Variants in KLK7 observed in about 807,000 individuals in gnomAD.
KLK7 encodes the protein kallikrein related peptidase 7.
Under a neutral mutation model 21.0 loss-of-function variants are expected in KLK7, and 17 were observed. The ratio of observed to expected loss-of-function variants is 0.81; its 90% confidence interval spans 0.55 to 1.21. The LOEUF (loss-of-function observed/expected upper bound fraction) is 1.21, where lower values mean the gene tolerates loss of function less well. KLK7 is among the 50% of genes most tolerant of loss of function. The pLI, the probability that KLK7 is intolerant of heterozygous loss-of-function variation, is 0.00. For missense variants in KLK7, 330 were observed against 322.8 expected (o/e 1.02, Z -0.17); for synonymous variants, 151 against 134.6 (o/e 1.12, Z -0.85).
intron 3 of KLK7, 56 bp downstream of exon 3, chr19:50,981,711 C>A: frequency 6.7e-7 from 1 of 1,489,766 alleles, no homozygotes; most frequent in Non-Finnish European, 9.0e-7. Flanking sequence ...CCTTCCACCC[C>A]CATAGCGAGC....
chr19:50,979,195 C>T (rs2091058034), intron 5 of KLK7, among the ~76,000 whole-genome samples: 1 of 151,998 alleles, frequency 6.6e-6, no homozygotes, highest in Non-Finnish European at 1.5e-5. Context: ...AGTGAGTCAT[C>T]AGCTTCAGGC....
In KLK7 at chr19:50,977,545, CT is replaced by C; in HGVS notation, c.752del (p.Lys251SerfsTer9). On this transcript the variant is annotated frameshift_variant, in exon 6 of 6. Coordinates refer to ENST00000595820, the MANE Select transcript of KLK7 (RefSeq NM_005046.4). LOFTEE classifies it high-confidence loss of function. ...TTAACTCAGTGTGGCGTTAGCGATGCTTTTTCATGGTGTCATTTATCCACTT... is the reference window on the plus strand; with the variant it reads ...TTAACTCAGTGTGGCGTTAGCGATGCTTTTCATGGTGTCATTTATCCACTT... Reference protein sequence around the residue: ...FTKWINDTMKKHR With the variant: ...FTKWINDTMKXHR 1 of 1,613,702 alleles carries C rather than the reference CT, an allele frequency of 6.2e-7. No individual in the cohort carries two copies. The highest frequency in any genetic ancestry group is 8.5e-7 in the Non-Finnish European group (1 of 1,179,782).
rs758335462 is a variant in KLK7, at chr19:50,977,617, G to C, written c.681C>G (p.Gly227=). ...GLVSWGTFPC[G]QPNDPGVYTQ... is the part of the protein sequence containing the mutation. ...TGTAGACTCCTGGGTCATTGGGTTGGCCGCAAGGGAAAGTTCCCCAGGACA... is the reference window on the plus strand; with the variant it reads ...TGTAGACTCCTGGGTCATTGGGTTGCCCGCAAGGGAAAGTTCCCCAGGACA... The change falls in exon 6 of 6, where the codon GGC becomes GGG. Residue 227 remains glycine, a synonymous_variant. Transcript: ENST00000595820. 1 of 1,613,466 alleles carries C rather than the reference G, an allele frequency of 6.2e-7. No homozygotes were observed. Among genetic ancestry groups the C allele is most frequent in the Admixed American group, 1.7e-5 (1 of 59,988 alleles).
At chr19:50,977,723 G>A in intron 5 of KLK7, 32 bp from the exon 6 acceptor site, 1 of 1,604,690 alleles carries the variant, frequency 6.2e-7, no homozygotes, top group Non-Finnish European at 8.5e-7. Context: ...ATTAACTTTG[G>A]CTTCAGATCA....
At chr19:50,980,556 G>A in intron 3 of KLK7, 69 bp from the exon 4 acceptor site, 1 of 1,594,934 alleles carries the variant, frequency 6.3e-7, no homozygotes, top group Non-Finnish European at 8.5e-7. Context: ...AGACCTGGGG[G>A]ACGGGGTGGG....
Position 50,983,840 on chromosome 19 carries a change from C to T in KLK7, c.-59+11G>A, listed in dbSNP as rs1480529316. The T allele has an allele frequency of 6.2e-6, 8 of 1,289,312 alleles. No homozygotes were observed. Among genetic ancestry groups the T allele is most frequent in the South Asian group, 1.2e-5 (1 of 81,012 alleles). The allele number at this position is 1,289,312 out of a possible 1,614,324, so 79.9% of individuals were successfully genotyped here. On this transcript the variant is annotated intron_variant, in intron 1 of 5. Coordinates refer to ENST00000595820, the MANE Select transcript of KLK7 (RefSeq NM_005046.4). Reference sequence around the variant, plus strand: ...CCCTACAGGTGCACCCTTGATGAAGCCTCTTCTCACCTCGAGAGGATCTGA... The same window carrying T: ...CCCTACAGGTGCACCCTTGATGAAGTCTCTTCTCACCTCGAGAGGATCTGA...
At chr19:50,980,743 C>T (rs1308951697) in intron 3 of KLK7, among the ~76,000 whole-genome samples, 1 of 59,398 alleles carries the variant, frequency 1.7e-5, no homozygotes, top group African/African-American at 7.5e-5. Context: ...GGGAGAGAGA[C>T]ACAGAGATAG....
rs1568549606 is a variant in KLK7, at chr19:50,981,827, T to C, written c.161A>G (p.His54Arg). 1 of 1,607,228 alleles carries C rather than the reference T, an allele frequency of 6.2e-7. No individual in the cohort carries two copies. The highest frequency in any genetic ancestry group is 2.2e-5 in the East Asian group (1 of 44,676). The change falls in exon 3 of 6, where the codon CAC (histidine) becomes CGC (arginine). Residue 54 changes from histidine to arginine, a missense_variant. Physicochemically the swap from His to Arg is conservative, Grantham distance 29. Transcript: ENST00000595820. ...CTCATTGACCAGGACGCCTCCGCAG[T>C]GGAGCTGATTGCCACTGAGCAGGGC... is the stretch of plus-strand genomic sequence containing the variant. ...QVALLSGNQL[H>R]CGGVLVNERW...
At chr19:50,983,493 T>G (rs1485622875) in intron 1 of KLK7, among the ~76,000 whole-genome samples, 1 of 91,470 alleles carries the variant, frequency 1.1e-5, no homozygotes, top group South Asian at 3.7e-4. Context: ...GACCCAGGAG[T>G]CGAGACCCCC....
intron 5 of KLK7, 44 bp downstream of exon 5, chr19:50,979,744 C>T: frequency 1.3e-6 from 2 of 1,548,762 alleles, no homozygotes; most frequent in East Asian, 2.4e-5. Context: ...GGCATGCAGA[C>T]AGGGTACCCA....
chr19:50,979,390 C>T (rs1050044204), intron 5 of KLK7, among the ~76,000 whole-genome samples: 1 of 152,210 alleles, frequency 6.6e-6, no homozygotes, highest in Admixed American at 6.5e-5. Context: ...TCCACCTGCT[C>T]TTTATTTAAA....
At chr19:50,977,989 G>A (rs2091049505) in intron 5 of KLK7, among the ~76,000 whole-genome samples, 1 of 152,160 alleles carries the variant, frequency 6.6e-6, no homozygotes, top group African/African-American at 2.4e-5. Context: ...CCAAGCTAGT[G>A]GGAGAAGGAA....
At position 50,977,258 on chromosome 19, in the gene KLK7, G is replaced by A. The variant is rs1469291801; in HGVS notation, c.*278C>T. The A allele has an allele frequency of 4.3e-5, 16 of 373,906 alleles. No homozygotes were observed. The highest frequency in any genetic ancestry group is 9.6e-6 in the Non-Finnish European group (2 of 207,626). 23.2% of individuals were successfully genotyped at this position (373,906 alleles called of 1,614,324 possible). A position where few individuals can be genotyped will look rare whatever the true frequency, so the allele number is the denominator to read the frequency against. ...GTGAATAAGGGTCTCGGTGTACGTTGACCAAGTGTCTTCCGTAAAGACTGT... is the reference window on the plus strand; with the variant it reads ...GTGAATAAGGGTCTCGGTGTACGTTAACCAAGTGTCTTCCGTAAAGACTGT... On this transcript the variant is annotated 3_prime_UTR_variant, in exon 6 of 6. Transcript: ENST00000595820.
In KLK7 at chr19:50,978,035, G is replaced by A. The variant is rs77510425; in HGVS notation, c.607-344C>T. ...AAGGGGTGGATGCGTGCCCTGTGGC[G>A]CAGGAAAGGGGGACACGATGGTCTC... On this transcript the variant is annotated intron_variant, in intron 5 of 5. Transcript: ENST00000595820. 8.1e-3 allele frequency among the ~76,000 whole-genome samples: 1,236 copies of A among 152,310 alleles called. 13 individuals are homozygous for A. The highest frequency in any genetic ancestry group is 0.024 in the Middle Eastern group (7 of 294).
upstream of KLK7, chr19:50,983,931 G>A: frequency 7.8e-7 from 1 of 1,288,672 alleles, no homozygotes; most frequent in Non-Finnish European, 1.0e-6. Context: ...CCTCTGCTGG[G>A]CCGTCCTCTT....
Position 50,977,708 on chromosome 19 carries a change from C to G in KLK7, c.607-17G>C. 1 of 1,606,988 alleles carries G rather than the reference C, an allele frequency of 6.2e-7. No individual in the cohort carries two copies. Among genetic ancestry groups the G allele is most frequent in the Non-Finnish European group, 8.5e-7 (1 of 1,175,920 alleles). ...TGAGTCACCCTAGAGGGAATAGAGC[C>G]GGAGATTAACTTTGGCTTCAGATCA... On this transcript the variant is annotated splice_polypyrimidine_tract_variant and intron_variant, in intron 5 of 5. Transcript: ENST00000595820.
rs1009889045 is a variant in KLK7, at chr19:50,977,505, G to A, written c.*31C>T. 12 of 1,606,350 alleles carry A rather than the reference G, an allele frequency of 7.5e-6. No individual in the cohort carries two copies. Among genetic ancestry groups the A allele is most frequent in the Non-Finnish European group, 9.4e-6 (11 of 1,173,452 alleles). On this transcript the variant is annotated 3_prime_UTR_variant, in exon 6 of 6. Transcript: ENST00000595820. ...CCTCACTCCTGTGCATTTTCTGTTGGAAGCACACAGTTAATTAACTCAGTG... is the reference window on the plus strand; with the variant it reads ...CCTCACTCCTGTGCATTTTCTGTTGAAAGCACACAGTTAATTAACTCAGTG...
At position 50,982,351 on chromosome 19, in the gene KLK7, C is replaced by T; in HGVS notation, c.49G>A (p.Ala17Thr). 3 of 1,611,218 alleles carry T rather than the reference C, an allele frequency of 1.9e-6. No homozygotes were observed. The highest frequency in any genetic ancestry group is 2.5e-6 in the Non-Finnish European group (3 of 1,178,876). The change falls in exon 2 of 6, where the codon GCC becomes ACC. Residue 17 changes from alanine (A) to threonine (T), a missense_variant. By Grantham distance (58) the Ala-to-Thr change is moderately conservative. Transcript: ENST00000595820. ...LPLQILLLSL[A>T]LETAGEEAQG... is the part of the protein sequence containing the mutation. The stretch of plus-strand genomic sequence containing the variant: ...CCTTCTTCTCCTGCAGTTTCCAAGG[C>T]TAAGGATAGCAGTAAGATCTGCAGG...
At chr19:50,978,461 G>C (rs1267271836) in intron 5 of KLK7, among the ~76,000 whole-genome samples, 1 of 149,712 alleles carries the variant, frequency 6.7e-6, no homozygotes, top group African/African-American at 2.5e-5. Flanking sequence ...GAGGGAAAGG[G>C]TATGGGGAGA....
Sources: gnomAD v4.1 joint callset for allele counts (sites outside exome capture counted in the v4.1 genomes callset) on GRCh38, gnomAD v4.1.1 for gene constraint, MANE v1.5 for transcripts, NCBI Gene and HGNC (gene_info 2026-07-23, HGNC 2026-07-21) for gene names.